Variants in SPATA13 observed in about 807,000 individuals in gnomAD.
SPATA13 encodes spermatogenesis associated 13.
SPATA13 carries 50 observed loss-of-function variants against 104.0 expected under a neutral mutation model. The observed-to-expected ratio is 0.48, with a 90% CI of 0.38 to 0.61. The LOEUF (loss-of-function observed/expected upper bound fraction) is 0.61, where lower values mean the gene tolerates loss of function less well. Among genes scored for constraint, SPATA13 ranks in the 20% least tolerant of loss-of-function variants. The pLI, the probability that SPATA13 is intolerant of heterozygous loss-of-function variation, is 0.00. For synonymous variants in SPATA13, 606 were observed against 667.5 expected (o/e 0.91, Z 1.42); for missense variants, 1,524 against 1,690.6 (o/e 0.90, Z 1.73).
intron 4 of SPATA13, among the ~76,000 whole-genome samples, chr13:24,272,288 C>G (rs866057743): frequency 6.6e-6 from 1 of 152,214 alleles, no homozygotes; most frequent in African/African-American, 2.4e-5. Flanking sequence ...GGTGCTCCCT[C>G]GGTGCTGCTG....
chr13:24,106,898 G>A (rs1487760226), intron 3 of SPATA13, among the ~76,000 whole-genome samples: 2 of 152,078 alleles, frequency 1.3e-5, no homozygotes, highest in African/African-American at 2.4e-5. Context: ...AGCAAATATG[G>A]GGTCAGGGAT....
chr13:24,212,433 A>T (rs905720599), intron 1 of SPATA13, among the ~76,000 whole-genome samples: 4 of 152,160 alleles, frequency 2.6e-5, no homozygotes, highest in Non-Finnish European at 5.9e-5. Context: ...TCCTTGCTTC[A>T]TGTGGTCCTG....
chr13:24,209,513 T>A (rs1047199576), intron 1 of SPATA13, among the ~76,000 whole-genome samples: 1 of 152,164 alleles, frequency 6.6e-6, no homozygotes, highest in African/African-American at 2.4e-5. Context: ...AGTGAGATCA[T>A]GTGGTATTTG....
chr13:24,305,165 T>G lies in SPATA13; in HGVS notation c.*2392T>G, dbSNP rs1877494460. 1 of 152,236 alleles carries G rather than the reference T, an allele frequency of 6.6e-6. No individual in the cohort carries two copies. The highest frequency in any genetic ancestry group is 6.5e-5 in the Admixed American group (1 of 15,282). The allele number at this position is 152,236 out of a possible 1,614,324, so 9.4% of individuals were successfully genotyped here. ...ACTTCCATTTCCTAATATTTATTCATGGGTAATGAAGAAATGGTTTGCATT... is the reference window on the plus strand; with the variant it reads ...ACTTCCATTTCCTAATATTTATTCAGGGGTAATGAAGAAATGGTTTGCATT... On this transcript the variant is annotated 3_prime_UTR_variant, in exon 13 of 13. Transcript: ENST00000382108.
At chr13:24,157,057 GC>G (rs1260822755), upstream of SPATA13, among the ~76,000 whole-genome samples, 4 of 152,180 alleles carry the variant, frequency 2.6e-5, no homozygotes, top group Non-Finnish European at 5.9e-5. Flanking sequence ...TGACCTCCCA[GC>G]TCCTTTGCCT....
chr13:24,154,002 T>C (rs920181473), intron 3 of SPATA13, among the ~76,000 whole-genome samples: 5 of 152,232 alleles, frequency 3.3e-5, no homozygotes, highest in Admixed American at 2.0e-4. Context: ...TGGGAACTAT[T>C]GTTATCCCTA....
chr13:24,276,332 A>G (rs1263675008), intron 4 of SPATA13, among the ~76,000 whole-genome samples: 4 of 152,272 alleles, frequency 2.6e-5, no homozygotes, highest in African/African-American at 9.6e-5. Flanking sequence ...GTTTAAAAAG[A>G]AGGAAGTTCT....
intron 4 of SPATA13, among the ~76,000 whole-genome samples, chr13:24,278,992 C>CCCTT (rs1555275424): frequency 4.5e-5 from 4 of 88,796 alleles, no homozygotes; most frequent in Admixed American, 1.1e-4. Flanking sequence ...CTCCCTCCCT[C>CCCTT]CCTTCCTTCC....
intron 3 of SPATA13, among the ~76,000 whole-genome samples, chr13:24,104,487 GTATA>G (rs1361872464): frequency 2.0e-5 from 3 of 152,168 alleles, no homozygotes; most frequent in African/African-American, 7.2e-5. Context: ...AAAGTATTTT[GTATA>G]TACCCACATA....
chr13:24,227,756 A>G (rs1872026608), intron 2 of SPATA13, among the ~76,000 whole-genome samples: 1 of 151,938 alleles, frequency 6.6e-6, no homozygotes, highest in African/African-American at 2.4e-5. Context: ...TTTTTAGTAG[A>G]GACAGGGTTT....
intron 3 of SPATA13, among the ~76,000 whole-genome samples, chr13:24,052,826 CAGGGGAT>C: frequency 6.7e-6 from 1 of 149,060 alleles, no homozygotes; most frequent in Non-Finnish European, 1.5e-5. Flanking sequence ...CCCCTGCCGC[CAGGGGAT>C]CCTCCCCGCC....
chr13:24,072,146 A>G (rs1442050632), intron 3 of SPATA13, among the ~76,000 whole-genome samples: 1 of 152,242 alleles, frequency 6.6e-6, no homozygotes, highest in East Asian at 1.9e-4. Flanking sequence ...GTTCTCTCTC[A>G]AAGGCTAAAT....
intron 3 of SPATA13, among the ~76,000 whole-genome samples, chr13:24,104,615 G>A (rs1880378837): frequency 6.6e-6 from 1 of 152,170 alleles, no homozygotes; most frequent in South Asian, 2.1e-4. Context: ...GACAATGAGA[G>A]GGGCATGTGG....
At chr13:24,016,101 C>G (rs1876701141) in intron 2 of SPATA13, among the ~76,000 whole-genome samples, 1 of 152,200 alleles carries the variant, frequency 6.6e-6, no homozygotes, top group African/African-American at 2.4e-5. Context: ...CGTTCCAAGT[C>G]CCTGGCAGGA....
At chr13:24,022,578 GA>G (rs1307513895) in intron 3 of SPATA13, among the ~76,000 whole-genome samples, 1 of 152,178 alleles carries the variant, frequency 6.6e-6, no homozygotes, top group Non-Finnish European at 1.5e-5. Context: ...CTGCACACTT[GA>G]AAATGGTTAA....
chr13:24,204,265 A>C (rs17080389), intron 1 of SPATA13, among the ~76,000 whole-genome samples: 3,054 of 152,222 alleles, frequency 0.02, 103 homozygotes, highest in African/African-American at 0.069. Context: ...CACATTTTTC[A>C]TTTTGCAGAT....
At chr13:24,254,900 G>C (rs1182161218) in intron 4 of SPATA13, among the ~76,000 whole-genome samples, 1 of 152,002 alleles carries the variant, frequency 6.6e-6, no homozygotes, top group Non-Finnish European at 1.5e-5. Context: ...CTGCACATTG[G>C]GACAGCATGT....
Position 24,089,314 on chromosome 13 carries a change from C to A in SPATA13, c.-112+71613C>A, listed in dbSNP as rs374596629. Among the ~76,000 whole-genome samples, 7 of 152,150 alleles carry A rather than the reference C, an allele frequency of 4.6e-5. No homozygotes were observed. In the East Asian group the frequency reaches 7.7e-4, roughly 17 times the overall value. ...TGACCATATTTGCATGGGACCCCCC[C>A]ACACACCACTCGGACCACATTCTCA... On this transcript the variant is annotated intron_variant, in intron 3 of 14. Transcript: ENST00000424834.
intron 4 of SPATA13, among the ~76,000 whole-genome samples, chr13:24,277,960 C>T (rs1225213148): frequency 1.3e-5 from 2 of 152,104 alleles, no homozygotes; most frequent in Non-Finnish European, 2.9e-5. Flanking sequence ...ACACAGGAGT[C>T]ATTAACTTTA....
Sources: gnomAD v4.1 joint callset for allele counts (sites outside exome capture counted in the v4.1 genomes callset) on GRCh38, gnomAD v4.1.1 for gene constraint, MANE v1.5 for transcripts, NCBI Gene and HGNC (gene_info 2026-07-23, HGNC 2026-07-21) for gene names.